CALN1: variants seen among roughly 807,000 people sequenced by gnomAD.
CALN1 encodes calneuron 1, also known as calcium-binding protein 8.
CALN1 carries 17 observed loss-of-function variants against 30.6 expected under a neutral mutation model. The ratio of observed to expected loss-of-function variants is 0.56; its 90% confidence interval spans 0.38 to 0.83. The LOEUF (loss-of-function observed/expected upper bound fraction) is 0.83. CALN1 is among the 40% of genes least tolerant of loss of function. CALN1 has a pLI of 0.00. For missense variants in CALN1, 291 were observed against 354.9 expected (o/e 0.82, Z 1.45); for synonymous variants, 156 against 131.4 (o/e 1.19, Z -1.28).
At position 72,186,318 on chromosome 7, in the gene CALN1, G is replaced by A. The variant is rs746105739; in HGVS notation, c.245-80024C>T. Among the ~76,000 whole-genome samples, 11 of 151,088 alleles carry A rather than the reference G, an allele frequency of 7.3e-5. No individual in the cohort carries two copies. In the East Asian group the frequency reaches 2.1e-3, roughly 29 times the overall value. ...CGAATGGACAGGTGGGAAAAGGGAG[G>A]AGTCTGGGAGAAAATCCACGTGCCC... On this transcript the variant is annotated intron_variant, in intron 3 of 6. Transcript: ENST00000395275.
At chr7:72,035,252 C>T (rs73368199) in intron 4 of CALN1, among the ~76,000 whole-genome samples, 4,247 of 152,074 alleles carry the variant, frequency 0.028, 195 homozygotes, top group African/African-American at 0.097. Flanking sequence ...ACTGAAACCC[C>T]CACCCATGAA....
intron 2 of CALN1, among the ~76,000 whole-genome samples, chr7:72,364,048 T>C (rs760581749): frequency 3.6e-5 from 5 of 138,716 alleles, no homozygotes; most frequent in African/African-American, 5.4e-5. Context: ...AATGTGTTTT[T>C]AATTCAAAAT....
intron 3 of CALN1, among the ~76,000 whole-genome samples, chr7:72,233,511 T>G (rs1794257636): frequency 6.6e-6 from 1 of 150,638 alleles, no homozygotes; most frequent in Non-Finnish European, 1.5e-5. Flanking sequence ...AGACCAGGAG[T>G]TTGAGACCAG....
intron 2 of CALN1, among the ~76,000 whole-genome samples, chr7:72,309,655 C>A (rs1799905446): frequency 6.6e-6 from 1 of 152,026 alleles, no homozygotes; most frequent in South Asian, 2.1e-4. Flanking sequence ...CAGGGAGAGG[C>A]AAAACAAGCA....
intron 2 of CALN1, among the ~76,000 whole-genome samples, chr7:72,387,219 AAGGGAAGGAAGGGAAGGGAGGGGAGGG>A (rs1805266441): frequency 9.5e-6 from 1 of 105,206 alleles, no homozygotes; most frequent in Non-Finnish European, 2.0e-5. Context: ...GGAAGGAAGG[AAGGGAAGGAAGGGAAGGGAGGGGAGGG>A]AGGGAGGGAG....
At chr7:72,019,859 AT>A (rs1183647382) in intron 5 of CALN1, among the ~76,000 whole-genome samples, 1 of 152,194 alleles carries the variant, frequency 6.6e-6, no homozygotes, top group African/African-American at 2.4e-5. Flanking sequence ...GTAATGTATT[AT>A]GCAGCCAAAG....
chr7:72,327,301 C>A (rs1469163092), intron 2 of CALN1, among the ~76,000 whole-genome samples: 2 of 152,180 alleles, frequency 1.3e-5, no homozygotes, highest in Non-Finnish European at 2.9e-5. Context: ...TGACACCAGC[C>A]TGGCCAGTAT....
At chr7:72,476,160 G>A in the CALN1 span, among the ~76,000 whole-genome samples, 5 of 151,988 alleles carry the variant, frequency 3.3e-5, no homozygotes, top group South Asian at 8.3e-4. Flanking sequence ...TGTTGGCCAG[G>A]CTGGTCTCGA....
At chr7:72,331,684 C>T (rs967715913) in intron 2 of CALN1, among the ~76,000 whole-genome samples, 1 of 151,974 alleles carries the variant, frequency 6.6e-6, no homozygotes, top group African/African-American at 2.4e-5. Context: ...CCAACTGTTA[C>T]CTTGTTTTTT....
chr7:72,245,932 A>G (rs1795128765), intron 3 of CALN1, among the ~76,000 whole-genome samples: 1 of 152,232 alleles, frequency 6.6e-6, no homozygotes, highest in Non-Finnish European at 1.5e-5. Flanking sequence ...CCCTGGCAGC[A>G]ATGCTTACAC....
chr7:72,034,353 C>CAA lies in CALN1; in HGVS notation c.389-10586_389-10585dup, dbSNP rs34276736. Among the ~76,000 whole-genome samples the CAA allele has an allele frequency of 8.7e-3, 783 of 90,256 alleles. 21 individuals carry two copies. The highest frequency in any genetic ancestry group is 0.066 in the Admixed American group (515 of 7,824). 59.2% of individuals were successfully genotyped at this position (90,256 alleles called of 152,430 possible). On this transcript the variant is annotated intron_variant, in intron 4 of 6. Transcript: ENST00000395275. ...TGGGTGACAGAGCAAGACTCTGTCT[C>CAA]AAAAAAAAAAAAAAAAAGAAAAGAA...
chr7:71,790,985 G>A (rs541822134), intron 6 of CALN1, among the ~76,000 whole-genome samples: 1 of 152,260 alleles, frequency 6.6e-6, no homozygotes, highest in East Asian at 1.9e-4. Flanking sequence ...GTGTTCACAT[G>A]CCTTTAGAGA....
In CALN1 at chr7:71,900,202, A is replaced by G. The variant is rs986117850; in HGVS notation, c.502-89710T>C. On this transcript the variant is annotated intron_variant, in intron 5 of 6. Transcript: ENST00000395275. ...ATCAATAAGAAAAGCAGTTAAGGTC[A>G]TAGAAAAAGAAAATGCAAATAACTA... is the stretch of plus-strand genomic sequence containing the variant. 7.2e-5 allele frequency among the ~76,000 whole-genome samples: 11 copies of G among 152,212 alleles called. No individual in the cohort carries two copies. In the East Asian group the frequency reaches 2.1e-3, roughly 29 times the overall value.
chr7:72,053,259 T>TCC (rs1271095329), intron 4 of CALN1, among the ~76,000 whole-genome samples: 1 of 151,980 alleles, frequency 6.6e-6, no homozygotes, highest in Non-Finnish European at 1.5e-5. Flanking sequence ...GAATATGTGC[T>TCC]CCCAAAGAGT....
intron 5 of CALN1, among the ~76,000 whole-genome samples, chr7:71,928,510 T>C (rs139500297): frequency 1.2e-4 from 18 of 152,272 alleles, no homozygotes; most frequent in Admixed American, 7.2e-4. Context: ...CCGAATATTT[T>C]TGATCCACGG....
intron 1 of CALN1, among the ~76,000 whole-genome samples, 198 bp downstream of exon 1, chr7:72,411,860 G>A (rs548422970): frequency 5.3e-5 from 8 of 152,282 alleles, no homozygotes; most frequent in African/African-American, 9.6e-5. Flanking sequence ...TATATTCCAG[G>A]ATAACCAAAT....
chr7:71,926,834 A>C (rs1795296145), intron 5 of CALN1, among the ~76,000 whole-genome samples: 2 of 152,032 alleles, frequency 1.3e-5, no homozygotes, highest in African/African-American at 4.8e-5. Context: ...TTTTATTTCT[A>C]AGATTTTCTT....
chr7:72,147,482 A>ATGTGGAGAAATAGGAACT (rs1786848747), intron 3 of CALN1, among the ~76,000 whole-genome samples: 3 of 134,216 alleles, frequency 2.2e-5, no homozygotes, highest in Admixed American at 7.2e-5. Flanking sequence ...GTTGGAGAGG[A>ATGTGGAGAAATAGGAACT]CTGTTACACT....
At chr7:71,803,691 T>A (rs1584253578) in intron 6 of CALN1, among the ~76,000 whole-genome samples, 1 of 152,074 alleles carries the variant, frequency 6.6e-6, no homozygotes, top group Non-Finnish European at 1.5e-5. Flanking sequence ...GCCAGGCTGG[T>A]CTCGAACTCC....
Sources: allele counts gnomAD v4.1 joint callset (sites outside exome capture counted in the v4.1 genomes callset), GRCh38; gene constraint gnomAD v4.1.1; transcripts MANE v1.5; gene names NCBI Gene and HGNC (gene_info 2026-07-23, HGNC 2026-07-21).